Variants in LEUTX observed in about 807,000 individuals in gnomAD.
LEUTX encodes paired-like homeodomain transcription factor LEUTX.
Under a neutral mutation model 4.5 loss-of-function variants are expected in LEUTX, and 5 were observed. The ratio of observed to expected loss-of-function variants is 1.11; its 90% confidence interval spans 0.58 to 2.34. The LOEUF (loss-of-function observed/expected upper bound fraction) is 2.34. Ranked by LOEUF, LEUTX falls within the 30% of genes most tolerant of loss-of-function variation. LEUTX has a pLI of 0.01. For missense variants in LEUTX, 233 were observed against 239.4 expected (o/e 0.97, Z 0.18); for synonymous variants, 89 against 85.1 (o/e 1.05, Z -0.25).
At chr19:39,776,854 T>C (rs1010046112), upstream of LEUTX, among the ~76,000 whole-genome samples, 1 of 152,024 alleles carries the variant, frequency 6.6e-6, no homozygotes, top group Non-Finnish European at 1.5e-5. Flanking sequence ...GCCTGGGTGA[T>C]AGAGCGAGAC....
intron 1 of LEUTX, 90 bp downstream of exon 1, chr19:39,779,017 T>A (rs751368573): frequency 6.6e-6 from 1 of 152,124 alleles, no homozygotes; most frequent in Non-Finnish European, 1.5e-5. Context: ...GGTGGCTTCT[T>A]AGAAACCACT....
upstream of LEUTX, chr19:39,778,789 A>G (rs1034874037): frequency 6.6e-6 from 1 of 151,782 alleles, no homozygotes; most frequent in African/African-American, 2.4e-5. Context: ...TTAGGGTAGG[A>G]CAGGGTGGGG....
At chr19:39,781,671 C>T (rs1967889345) in intron 1 of LEUTX, among the ~76,000 whole-genome samples, 1 of 152,138 alleles carries the variant, frequency 6.6e-6, no homozygotes, top group Non-Finnish European at 1.5e-5. Flanking sequence ...ACCTTGGCTC[C>T]CCTTCGCCTT....
chr19:39,780,994 G>T (rs550841927), intron 1 of LEUTX, among the ~76,000 whole-genome samples: 4 of 151,948 alleles, frequency 2.6e-5, no homozygotes, highest in African/African-American at 9.7e-5. Flanking sequence ...ATGAGCCACC[G>T]TGCCCAGCCT....
At chr19:39,784,413 G>A in intron 1 of LEUTX, 114 bp from the exon 2 acceptor site, 2 of 605,608 alleles carry the variant, frequency 3.3e-6, no homozygotes, top group Non-Finnish European at 5.9e-6. Context: ...ACGGTCTAGG[G>A]CTCAAGGCTG....
intron 1 of LEUTX, among the ~76,000 whole-genome samples, chr19:39,782,381 T>C (rs1967899590): frequency 6.6e-6 from 1 of 152,036 alleles, no homozygotes; most frequent in South Asian, 2.1e-4. Flanking sequence ...TTATAAGAGG[T>C]TTCCCCTTTT....
At chr19:39,784,702 G>A (rs1351690069) in intron 2 of LEUTX, 24 bp downstream of exon 2, 2 of 1,526,986 alleles carry the variant, frequency 1.3e-6, no homozygotes, top group African/African-American at 2.8e-5. Flanking sequence ...TGTGTCTGTA[G>A]GTAGCACGCC....
upstream of LEUTX, among the ~76,000 whole-genome samples, chr19:39,776,850 GT>G (rs1410169958): frequency 6.6e-6 from 1 of 152,146 alleles, no homozygotes; most frequent in East Asian, 1.9e-4. Context: ...CACTGCCTGG[GT>G]GATAGAGCGA....
At chr19:39,780,004 A>T (rs1343551150) in intron 1 of LEUTX, among the ~76,000 whole-genome samples, 1 of 152,162 alleles carries the variant, frequency 6.6e-6, no homozygotes, top group South Asian at 2.1e-4. Context: ...ACAGAGCAAG[A>T]CTCTGTCTCA....
chr19:39,785,253 T>C (rs1211034115), intron 2 of LEUTX, among the ~76,000 whole-genome samples: 1 of 152,040 alleles, frequency 6.6e-6, no homozygotes, highest in Non-Finnish European at 1.5e-5. Flanking sequence ...CTGGGCAACA[T>C]AGCAAGACCA....
chr19:39,779,601 G>C (rs1404651374), intron 1 of LEUTX, among the ~76,000 whole-genome samples: 1 of 151,978 alleles, frequency 6.6e-6, no homozygotes, highest in Admixed American at 6.6e-5. Context: ...TATTCTCCCA[G>C]CCTGGCTTGT....
At chr19:39,784,761 A>G (rs1167924565) in intron 2 of LEUTX, 83 bp downstream of exon 2, 13 of 1,029,168 alleles carry the variant, frequency 1.3e-5, no homozygotes, top group Non-Finnish European at 1.9e-5. Context: ...AACAGTTCCT[A>G]TTTATTGGCA....
At chr19:39,776,647 C>T (rs2144950519), upstream of LEUTX, 1 of 456,146 alleles carries the variant, frequency 2.2e-6, no homozygotes, top group Non-Finnish European at 4.4e-6. Context: ...GTCAGGCGGG[C>T]ACCTGGAATC....
upstream of LEUTX, chr19:39,776,622 C>T (rs1250178517): frequency 4.4e-6 from 2 of 456,218 alleles, no homozygotes; most frequent in South Asian, 3.1e-5. Context: ...CCTCATGCCT[C>T]CGTGGAACCT....
intron 1 of LEUTX, among the ~76,000 whole-genome samples, chr19:39,782,270 T>C (rs1014975275): frequency 6.6e-6 from 1 of 152,196 alleles, no homozygotes; most frequent in East Asian, 1.9e-4. Flanking sequence ...ATAATTCCCA[T>C]GCGTTGTGGG....
intron 1 of LEUTX, among the ~76,000 whole-genome samples, chr19:39,782,106 A>C (rs1321336711): frequency 6.6e-6 from 1 of 152,208 alleles, no homozygotes; most frequent in Non-Finnish European, 1.5e-5. Flanking sequence ...CATAGACAGC[A>C]GTGCCACTGA....
At chr19:39,784,996 T>C (rs992084859) in intron 2 of LEUTX, among the ~76,000 whole-genome samples, 5 of 152,168 alleles carry the variant, frequency 3.3e-5, no homozygotes, top group African/African-American at 1.2e-4. Context: ...TGTTCTTGTG[T>C]ATTCAGGATG....
At chr19:39,780,895 G>A (rs1381254499) in intron 1 of LEUTX, among the ~76,000 whole-genome samples, 1 of 151,460 alleles carries the variant, frequency 6.6e-6, no homozygotes. Context: ...GTAGAGATGG[G>A]GTTTCACCAT....
upstream of LEUTX, among the ~76,000 whole-genome samples, chr19:39,776,854 T>TA (rs1568513561): frequency 6.6e-6 from 1 of 152,024 alleles, no homozygotes; most frequent in Non-Finnish European, 1.5e-5. Context: ...GCCTGGGTGA[T>TA]AGAGCGAGAC....
Sources: gnomAD v4.1 joint callset for allele counts (sites outside exome capture counted in the v4.1 genomes callset) on GRCh38, gnomAD v4.1.1 for gene constraint, MANE v1.5 for transcripts, NCBI Gene and HGNC (gene_info 2026-07-23, HGNC 2026-07-21) for gene names.